Variants in KLKB1 observed in about 807,000 individuals in gnomAD.
KLKB1 encodes plasma kallikrein.
In KLKB1, 58 loss-of-function variants were observed where a neutral mutation model predicts 73.6. The ratio of observed to expected loss-of-function variants is 0.79; its 90% CI spans 0.64 to 0.98. KLKB1 has a LOEUF of 0.98. KLKB1 is among the 50% of genes least tolerant of loss of function. KLKB1 has a pLI of 0.00. For missense variants in KLKB1, 737 were observed against 763.8 expected, an observed-to-expected ratio of 0.96 and a Z score of 0.41; for synonymous variants, 280 against 258.1, an observed-to-expected ratio of 1.08 and a Z score of -0.81.
At chr4:186,218,681 G>A (rs550771202) in intron 2 of KLKB1, among the ~76,000 whole-genome samples, 2 of 151,948 alleles carry the variant, frequency 1.3e-5, no homozygotes, top group South Asian at 4.2e-4. Flanking sequence ...GAACCCATCA[G>A]ATCTATTCTC....
rs1242949371 is a variant in KLKB1 at position 186,236,847 on chromosome 4, G to A, written c.395G>A (p.Ser132Asn). 1.2e-6 allele frequency: 2 copies of A among 1,613,828 alleles called. No homozygotes were observed. The highest frequency in any genetic ancestry group is 1.7e-6 in the Non-Finnish European group (2 of 1,179,910). Residue 132 changes from serine (S) to asparagine (N), a missense_variant, in exon 5 of 15, where the codon AGC becomes AAC. Ser to Asn is a conservative substitution (Grantham distance 46). Transcript: ENST00000264690. ...RGVNFNVSKV[S>N]SVEECQKRCT... is the part of the protein sequence containing the mutation. ...GTCAATTTTAATGTGTCTAAGGTTA[G>A]CAGTGTTGAAGAATGCCAAAAAAGG... is the stretch of plus-strand genomic sequence containing the variant.
chr4:186,219,363 TAAG>T (rs952212141), intron 2 of KLKB1, among the ~76,000 whole-genome samples: 1 of 152,164 alleles, frequency 6.6e-6, no homozygotes, highest in African/African-American at 2.4e-5. Flanking sequence ...AAGATAATAA[TAAG>T]GTCATAATTA....
rs542245146 is a variant in KLKB1 at position 186,242,855 on chromosome 4, G to A, written c.598+4490G>A. ...TTTCCTGAAGATTGAGGATGGTGAG[G>A]GGTATGAAGGTTTTACTGAATACCA... On this transcript the variant is annotated intron_variant, in intron 6 of 14. Transcript: ENST00000264690. Among the ~76,000 whole-genome samples, 605 of 151,142 alleles carry A rather than the reference G, an allele frequency of 4.0e-3. 7 individuals carry two copies. Among genetic ancestry groups the A allele is most frequent in the Non-Finnish European group, 6.4e-3 (434 of 67,786 alleles).
rs886849941 is a variant in KLKB1, at chr4:186,248,261, A to G, written c.599-1982A>G. 3.4e-4 allele frequency among the ~76,000 whole-genome samples: 51 copies of G among 148,972 alleles called. 2 individuals carry two copies. The highest frequency in any genetic ancestry group is 1.2e-3 in the African/African-American group (51 of 40,850). On this transcript the variant is annotated intron_variant, in intron 6 of 14. Coordinates refer to ENST00000264690, the MANE Select transcript of KLKB1 (RefSeq NM_000892.5). Reference sequence around the variant, plus strand: ...AGACTCCATCTCACAAAAAAATAATAAAAATAAAATAAAAAAAAAAAAGAA... The same window carrying G: ...AGACTCCATCTCACAAAAAAATAATGAAAATAAAATAAAAAAAAAAAAGAA...
At chr4:186,249,116 G>A (rs1031529389) in intron 6 of KLKB1, among the ~76,000 whole-genome samples, 2 of 152,098 alleles carry the variant, frequency 1.3e-5, no homozygotes, top group East Asian at 1.9e-4. Flanking sequence ...TGCATCTGCA[G>A]GTCATCTTTT....
At position 186,250,386 on chromosome 4, in the gene KLKB1, A is replaced by G. The variant is rs551164442; in HGVS notation, c.742A>G (p.Lys248Glu). 1.9e-6 allele frequency: 3 copies of G among 1,614,148 alleles called. No individual in the cohort carries two copies. Among genetic ancestry groups the G allele is most frequent in the African/African-American group, 2.7e-5 (2 of 75,058 alleles). ...CTTTACATTCTATACAAATGTATGG[A>G]AAATCGAGTCACAAAGGCGAGTATG... ...LFFTFYTNVW[K>E]IESQRNVCLL... Residue 248 changes from lysine (K) to glutamate (E), a missense_variant, in exon 7 of 15, where the codon AAA becomes GAA. Transcript: ENST00000264690.
At chr4:186,254,353 G>C (rs1418800665) in intron 11 of KLKB1, among the ~76,000 whole-genome samples, 1 of 152,216 alleles carries the variant, frequency 6.6e-6, no homozygotes, top group Non-Finnish European at 1.5e-5. Flanking sequence ...TTCACTTGCA[G>C]TAAGCATGAT....
At chr4:186,228,824 T>G (rs1384984923) in intron 2 of KLKB1, 1 of 152,438 alleles carries the variant, frequency 6.6e-6, no homozygotes, top group Admixed American at 6.5e-5. Flanking sequence ...ATTTCATTAA[T>G]TTTTGGAGAA....
intron 2 of KLKB1, among the ~76,000 whole-genome samples, chr4:186,220,323 A>G (rs1737006005): frequency 6.6e-6 from 1 of 152,184 alleles, no homozygotes; most frequent in African/African-American, 2.4e-5. Context: ...CCTAGTTGGC[A>G]TTGTAATTGT....
chr4:186,257,707 G>C (rs1739076806), intron 14 of KLKB1, among the ~76,000 whole-genome samples: 1 of 151,716 alleles, frequency 6.6e-6, no homozygotes, highest in Admixed American at 6.6e-5. Context: ...GAAAAATGCA[G>C]GCACATGAGA....
chr4:186,240,374 TGTTATA>T (rs943353332), intron 6 of KLKB1, among the ~76,000 whole-genome samples: 10 of 152,108 alleles, frequency 6.6e-5, no homozygotes, highest in Admixed American at 3.3e-4. Context: ...ACAGTGATAT[TGTTATA>T]GTTATAGGTA....
At chr4:186,250,111 A>G (rs1245768385) in intron 6 of KLKB1, 132 bp from the exon 7 acceptor site, 3 of 1,005,982 alleles carry the variant, frequency 3.0e-6, no homozygotes, top group Non-Finnish European at 4.7e-6. Flanking sequence ...TTTAAAGGAC[A>G]TTTTTTCACT....
At chr4:186,249,595 G>T (rs1738559789) in intron 6 of KLKB1, among the ~76,000 whole-genome samples, 1 of 152,056 alleles carries the variant, frequency 6.6e-6, no homozygotes, top group African/African-American at 2.4e-5. Flanking sequence ...GGTTATTCCG[G>T]ATCTTTTGCA....
At chr4:186,246,424 G>A (rs938888872) in intron 6 of KLKB1, among the ~76,000 whole-genome samples, 9 of 152,154 alleles carry the variant, frequency 5.9e-5, no homozygotes, top group African/African-American at 1.9e-4. Context: ...ATGCCTGGAC[G>A]TCAGGCACCT....
At chr4:186,246,785 C>G (rs961758134) in intron 6 of KLKB1, among the ~76,000 whole-genome samples, 46 of 152,238 alleles carry the variant, frequency 3.0e-4, no homozygotes, top group African/African-American at 1.1e-3. Flanking sequence ...AGGATCAAGG[C>G]AGGCATTCGC....
At chr4:186,219,339 A>G (rs1402454666) in intron 2 of KLKB1, among the ~76,000 whole-genome samples, 1 of 152,186 alleles carries the variant, frequency 6.6e-6, no homozygotes, top group Non-Finnish European at 1.5e-5. Context: ...GAAATCATAT[A>G]TAATCTTCAA....
intron 8 of KLKB1, 48 bp downstream of exon 8, chr4:186,251,376 G>T: frequency 6.6e-7 from 1 of 1,513,864 alleles, no homozygotes; most frequent in South Asian, 1.1e-5. Flanking sequence ...CCTATTTCAT[G>T]ACTTTTAACA....
upstream of KLKB1, among the ~76,000 whole-genome samples, chr4:186,223,423 C>T (rs111620604): frequency 0.024 from 3,661 of 152,176 alleles, 153 homozygotes; most frequent in African/African-American, 0.084. Context: ...TGCTGATAGT[C>T]GTATTGACAA....
chr4:186,232,490 A>G (rs1237849464), intron 3 of KLKB1, among the ~76,000 whole-genome samples: 2 of 152,224 alleles, frequency 1.3e-5, no homozygotes, highest in African/African-American at 4.8e-5. Flanking sequence ...TCTTGTGACC[A>G]GGAATCTGCA....
Sources: gnomAD v4.1 joint callset for allele counts (sites outside exome capture counted in the v4.1 genomes callset) on GRCh38, gnomAD v4.1.1 for gene constraint, MANE v1.5 for transcripts, NCBI Gene and HGNC (gene_info 2026-07-23, HGNC 2026-07-21) for gene names.